GSN: variants seen among roughly 807,000 people sequenced by gnomAD.
The protein encoded by GSN is gelsolin.
Under a neutral mutation model 85.7 loss-of-function variants are expected in GSN, and 56 were observed. The ratio of observed to expected loss-of-function variants is 0.65; its 90% CI spans 0.53 to 0.82. The LOEUF is 0.82. Ranked by LOEUF, GSN falls within the 40% of genes least tolerant of loss-of-function variation. The pLI, the probability that GSN is intolerant of heterozygous loss-of-function variation, is 0.00. For synonymous variants in GSN, 373 were observed against 399.1 expected, an observed-to-expected ratio of 0.93 and a Z score of 0.78; for missense variants, 857 against 979.8, an observed-to-expected ratio of 0.87 and a Z score of 1.67.
At chr9:121,321,058 A>C (rs2062376326) in intron 10 of GSN, among the ~76,000 whole-genome samples, 1 of 152,168 alleles carries the variant, frequency 6.6e-6, no homozygotes, top group Non-Finnish European at 1.5e-5. Flanking sequence ...TGGTATGAGG[A>C]GCCCAGGCAG....
intron 1 of GSN, among the ~76,000 whole-genome samples, chr9:121,271,108 AC>A (rs2132372188): frequency 1.3e-5 from 2 of 152,292 alleles, no homozygotes; most frequent in East Asian, 3.9e-4. Flanking sequence ...GGTGGCTCAC[AC>A]CTGCAGTTCC....
upstream of GSN, among the ~76,000 whole-genome samples, chr9:121,206,754 T>C (rs1446603520): frequency 6.6e-6 from 1 of 152,064 alleles, no homozygotes; most frequent in Non-Finnish European, 1.5e-5. Context: ...TGAACTTTGT[T>C]TGTTTGTTTG....
At chr9:121,293,798 A>G (rs1343032894) in intron 2 of GSN, among the ~76,000 whole-genome samples, 2 of 152,180 alleles carry the variant, frequency 1.3e-5, no homozygotes, top group Admixed American at 1.3e-4. Context: ...CTCTTTTAAC[A>G]ATAAAAGCAG....
intron 5 of GSN, chr9:121,311,488 A>C (rs2061135576): frequency 6.3e-6 from 1 of 158,500 alleles, no homozygotes. Flanking sequence ...CGTCATGGGC[A>C]CACAGAGGAG....
chr9:121,205,135 T>TC (rs113228150), upstream of GSN, among the ~76,000 whole-genome samples: 89,812 of 151,516 alleles, frequency 0.59, 27,308 homozygotes, highest in East Asian at 0.92. Flanking sequence ...AGTCAGCTCT[T>TC]GACCAACTTC....
At chr9:121,324,866 C>T (rs1291807429) in intron 12 of GSN, among the ~76,000 whole-genome samples, 7 of 152,246 alleles carry the variant, frequency 4.6e-5, no homozygotes, top group African/African-American at 1.7e-4. Context: ...CACAGACACA[C>T]TGTCCCTGCC....
At position 121,329,071 on chromosome 9, in the gene GSN, G is replaced by T; in HGVS notation, c.1887+56G>T. The T allele has an allele frequency of 6.2e-7, 1 of 1,604,664 alleles. No individual in the cohort carries two copies. ...TTCCCCTCGGGAGGCGAGTTCCACA[G>T]GACTGGCCGGCAGCAGGGGCAGGAG... is the stretch of plus-strand genomic sequence containing the variant. On this transcript the variant is annotated intron_variant, in intron 15 of 17. Transcript: ENST00000432226. This position sits in a 1 kb window ranked among gnomAD's most constrained non-coding sequence, Gnocchi z 4.6.
chr9:121,258,084 G>A (rs1046378193), intron 6 of GSN, among the ~76,000 whole-genome samples: 1 of 152,210 alleles, frequency 6.6e-6, no homozygotes, highest in Admixed American at 6.5e-5. Context: ...CTACCCATCC[G>A]GAGTATTCTA....
chr9:121,324,751 G>T, intron 12 of GSN, 107 bp downstream of exon 12: 1 of 679,482 alleles, frequency 1.5e-6, no homozygotes, highest in Non-Finnish European at 2.7e-6. Flanking sequence ...CTGTCTGTCT[G>T]TCCATCCATC....
chr9:121,238,759 C>T, intron 5 of GSN: 2 of 477,640 alleles, frequency 4.2e-6, no homozygotes, highest in South Asian at 3.3e-5. Context: ...TCATGAGGAC[C>T]CTGAAAAATA....
At chr9:121,240,020 G>T in intron 5 of GSN, 1 of 157,974 alleles carries the variant, frequency 6.3e-6, no homozygotes, top group South Asian at 1.8e-4. Context: ...CACCACCAGC[G>T]GGCTTGGGTA....
intron 2 of GSN, among the ~76,000 whole-genome samples, chr9:121,288,336 C>T (rs185638967): frequency 1.6e-4 from 24 of 152,216 alleles, no homozygotes; most frequent in Admixed American, 1.4e-3. Flanking sequence ...GGGAATAATC[C>T]TACCCTCCTT....
At chr9:121,328,779 A>G in intron 14 of GSN, 112 bp from the exon 15 acceptor site, 1 of 1,097,298 alleles carries the variant, frequency 9.1e-7, no homozygotes, top group South Asian at 1.3e-5. Flanking sequence ...GGATGGAGGG[A>G]GGAGAGGGAG....
Position 121,281,479 on chromosome 9 carries a change from A to G in GSN, c.-93A>G. The G allele has an allele frequency of 2.6e-6, 1 of 382,742 alleles. No homozygotes were observed. The highest frequency in any genetic ancestry group is 5.4e-6 in the Non-Finnish European group (1 of 185,882). The allele number at this position is 382,742 out of a possible 1,614,324, so 23.7% of individuals were successfully genotyped here. A position where few individuals can be genotyped will look rare whatever the true frequency, so the allele number is the denominator to read the frequency against. On this transcript the variant is annotated 5_prime_UTR_variant, in exon 2 of 18. Coordinates refer to ENST00000432226, the MANE Select transcript of GSN (RefSeq NM_198252.3). ...TGCCCTTTGTTTACAGGTAGTGCTC[A>G]TAGCTCTCTTTGTCCAGTGCTTCGG... is the stretch of plus-strand genomic sequence containing the variant.
intron 14 of GSN, among the ~76,000 whole-genome samples, chr9:121,328,133 G>A (rs2063452177): frequency 6.6e-6 from 1 of 152,182 alleles, no homozygotes; most frequent in Admixed American, 6.5e-5. Flanking sequence ...GACTCTCCAT[G>A]GACAGAAATG....
intron 5 of GSN, chr9:121,231,412 C>G (rs908405817): frequency 6.6e-6 from 1 of 152,200 alleles, no homozygotes; most frequent in Non-Finnish European, 1.5e-5. Flanking sequence ...ACCAAGGACT[C>G]TACACTTCAA....
chr9:121,208,055 G>A (rs2053913908), intron 1 of GSN, among the ~76,000 whole-genome samples: 1 of 151,874 alleles, frequency 6.6e-6, no homozygotes, highest in Non-Finnish European at 1.5e-5. Context: ...CCAAAGTGCT[G>A]GGATTACAGG....
At chr9:121,228,420 A>ATT (rs2054315173) in intron 4 of GSN, among the ~76,000 whole-genome samples, 1 of 56,976 alleles carries the variant, frequency 1.8e-5, no homozygotes, top group Non-Finnish European at 2.9e-5. Flanking sequence ...ATATATATAT[A>ATT]TATATTTTTT....
chr9:121,276,049 T>C (rs2056622921), intron 1 of GSN, among the ~76,000 whole-genome samples: 1 of 152,192 alleles, frequency 6.6e-6, no homozygotes, highest in African/African-American at 2.4e-5. Flanking sequence ...CAAATCTGGA[T>C]TTTCACAAGA....
Sources: gnomAD v4.1 joint callset for allele counts (sites outside exome capture counted in the v4.1 genomes callset) on GRCh38, gnomAD v4.1.1 for gene constraint, Gnocchi (gnomAD v3.1) non-coding constraint, MANE v1.5 for transcripts, NCBI Gene and HGNC (gene_info 2026-07-23, HGNC 2026-07-21) for gene names.